ARHGEF26: variants seen among roughly 807,000 people sequenced by gnomAD.
ARHGEF26 encodes the protein Rho guanine nucleotide exchange factor (GEF) 26.
In ARHGEF26, 59 loss-of-function variants were observed where a neutral mutation model predicts 89.4. That is an observed-to-expected ratio of 0.66 (90% confidence interval 0.54 to 0.82). The LOEUF (loss-of-function observed/expected upper bound fraction) is 0.82. Ranked by LOEUF, ARHGEF26 falls within the 40% of genes least tolerant of loss-of-function variation. The pLI, the probability that ARHGEF26 is intolerant of heterozygous loss-of-function variation, is 0.00. For missense variants in ARHGEF26, 1,234 were observed against 1,085.6 expected, an observed-to-expected ratio of 1.14 and a Z score of -1.92; for synonymous variants, 500 against 428.4, an observed-to-expected ratio of 1.17 and a Z score of -2.06.
At chr3:154,172,520 C>A (rs2108142359) in intron 6 of ARHGEF26, among the ~76,000 whole-genome samples, 1 of 152,186 alleles carries the variant, frequency 6.6e-6, no homozygotes, top group South Asian at 2.1e-4. Context: ...TATGGCAAAC[C>A]CCATCTTTAC....
chr3:154,253,228 T>C, intron 13 of ARHGEF26, 45 bp downstream of exon 13: 1 of 1,608,364 alleles, frequency 6.2e-7, no homozygotes, highest in Non-Finnish European at 8.5e-7. Context: ...ATGGATGGGC[T>C]CTGCCCCCTG....
chr3:154,219,807 G>T (rs961856251), intron 10 of ARHGEF26, among the ~76,000 whole-genome samples: 51 of 152,022 alleles, frequency 3.4e-4, no homozygotes, highest in African/African-American at 1.2e-3. Context: ...CCAGCTACTC[G>T]GGAGGCTGAG....
At chr3:154,209,260 C>T (rs1715221451) in intron 9 of ARHGEF26, among the ~76,000 whole-genome samples, 1 of 152,120 alleles carries the variant, frequency 6.6e-6, no homozygotes. Context: ...GGATTGGTCC[C>T]TGGTTCCTTA....
intron 6 of ARHGEF26, among the ~76,000 whole-genome samples, chr3:154,177,905 T>C (rs1301360581): frequency 6.6e-6 from 1 of 152,144 alleles, no homozygotes; most frequent in East Asian, 1.9e-4. Flanking sequence ...GCTGCACTTA[T>C]TAAAAGGGCT....
At chr3:154,198,484 C>G (rs970811503) in intron 9 of ARHGEF26, among the ~76,000 whole-genome samples, 2 of 152,114 alleles carry the variant, frequency 1.3e-5, no homozygotes, top group African/African-American at 2.4e-5. Flanking sequence ...ATCCAAATGT[C>G]CATCAACCAA....
intron 9 of ARHGEF26, among the ~76,000 whole-genome samples, chr3:154,208,359 T>C (rs1411283257): frequency 6.6e-6 from 1 of 152,194 alleles, no homozygotes; most frequent in Non-Finnish European, 1.5e-5. Flanking sequence ...CTTGCTGCTT[T>C]CAGGATCCTT....
At chr3:154,192,601 AT>A (rs994915011) in intron 8 of ARHGEF26, among the ~76,000 whole-genome samples, 1 of 151,162 alleles carries the variant, frequency 6.6e-6, no homozygotes. Context: ...TCACTTTCTG[AT>A]TTTTTTTTGA....
intron 4 of ARHGEF26, among the ~76,000 whole-genome samples, chr3:154,138,803 A>ATG (rs1719180062): frequency 2.0e-5 from 3 of 152,344 alleles, no homozygotes; most frequent in Non-Finnish European, 4.4e-5. Context: ...CCTGCCCCAC[A>ATG]TGAAGTTCTG....
At chr3:154,159,516 A>G (rs1711542376) in intron 6 of ARHGEF26, among the ~76,000 whole-genome samples, 1 of 152,112 alleles carries the variant, frequency 6.6e-6, no homozygotes, top group African/African-American at 2.4e-5. Context: ...AACATACAAA[A>G]TAGTACTTAC....
intron 4 of ARHGEF26, among the ~76,000 whole-genome samples, chr3:154,138,716 G>C (rs139199678): frequency 6.6e-6 from 1 of 152,322 alleles, no homozygotes; most frequent in Non-Finnish European, 1.5e-5. Context: ...ACAGGGTCCA[G>C]ACAGAGAGGG....
intron 10 of ARHGEF26, among the ~76,000 whole-genome samples, chr3:154,221,039 C>T (rs181988064): frequency 6.6e-6 from 1 of 151,970 alleles, no homozygotes; most frequent in African/African-American, 2.4e-5. Flanking sequence ...GGGGGAGAGG[C>T]CTGGAACAGA....
chr3:154,168,982 T>C (rs1454644253), intron 6 of ARHGEF26, among the ~76,000 whole-genome samples: 2 of 150,474 alleles, frequency 1.3e-5, no homozygotes, highest in African/African-American at 5.0e-5. Flanking sequence ...ATGAAGACTG[T>C]AGTGAAAAAA....
chr3:154,221,285 T>C (rs1173566998), intron 10 of ARHGEF26, among the ~76,000 whole-genome samples: 2 of 152,214 alleles, frequency 1.3e-5, no homozygotes, highest in East Asian at 1.9e-4. Flanking sequence ...ATAAAGATAA[T>C]GAACTTCACC....
Position 154,149,401 on chromosome 3 carries a change from G to A in ARHGEF26, c.1282G>A (p.Gly428Arg). Residue 428 changes from glycine (G) to arginine (R), a missense_variant, in exon 5 of 15, where the codon GGA becomes AGA. By Grantham distance (125) the Gly-to-Arg change is moderately radical (BLOSUM62 -2). Coordinates refer to ENST00000465093, the MANE Select transcript of ARHGEF26 (RefSeq NM_015595.4). ...WSQLSAVKRK[G>R]LSQTVSQEER... ...CTTTTTCTCCTAGGTGAAAAGAAAG[G>A]GATTATCTCAGACAGTAAGCCAGGA... is the stretch of plus-strand genomic sequence containing the variant. 1.9e-6 allele frequency: 3 copies of A among 1,606,708 alleles called. No homozygotes were observed. The highest frequency in any genetic ancestry group is 1.7e-6 in the Non-Finnish European group (2 of 1,176,248).
intron 4 of ARHGEF26, 138 bp from the exon 5 acceptor site, chr3:154,149,247 AAATT>A (rs138333351): frequency 0.89 from 470,153 of 529,288 alleles, 209,409 homozygotes; most frequent in East Asian, 1. Context: ...ATTAATTAAT[AAATT>A]AATATTGATG....
At chr3:154,140,149 A>T (rs1004246490) in intron 4 of ARHGEF26, among the ~76,000 whole-genome samples, 1 of 152,214 alleles carries the variant, frequency 6.6e-6, no homozygotes, top group South Asian at 2.1e-4. Context: ...GATAGCTGTT[A>T]GCTCTGGGAT....
intron 11 of ARHGEF26, among the ~76,000 whole-genome samples, chr3:154,226,696 C>CACACACACACA (rs3223632): frequency 1.4e-5 from 2 of 145,590 alleles, no homozygotes; most frequent in South Asian, 2.2e-4. Flanking sequence ...CACACACACA[C>CACACACACACA]CCCTTCAGCT....
rs116929918 is a variant in ARHGEF26, at chr3:154,232,005, G to A, written c.2090+5995G>A. 3.2e-4 allele frequency among the ~76,000 whole-genome samples: 48 copies of A among 152,124 alleles called. 3 individuals are homozygous for A. In the East Asian group the frequency reaches 7.7e-3, roughly 25 times the overall value. ...TTTTTCCTTTTTATTGATGTCGTCA[G>A]TAGTGTGGTACTCCTGAATTGGAGT... is the stretch of plus-strand genomic sequence containing the variant. On this transcript the variant is annotated intron_variant, in intron 11 of 14. Transcript: ENST00000465093.
rs1264819587 is a variant in ARHGEF26, at chr3:154,184,774, T to G, written c.1488-2911T>G. On this transcript the variant is annotated intron_variant, in intron 6 of 14. Coordinates refer to ENST00000465093, the MANE Select transcript of ARHGEF26 (RefSeq NM_015595.4). ...CCATCCTTGCTCTGCTCCAGTTTTCTCGGATTGAGTGATTTATTGGCTTCC... is the reference window on the plus strand; with the variant it reads ...CCATCCTTGCTCTGCTCCAGTTTTCGCGGATTGAGTGATTTATTGGCTTCC... Among the ~76,000 whole-genome samples, 6 of 152,234 alleles carry G rather than the reference T, an allele frequency of 3.9e-5. No individual in the cohort carries two copies. The East Asian group carries it at 1.2e-3, about 29-fold the overall frequency.
Sources: allele counts gnomAD v4.1 joint callset (sites outside exome capture counted in the v4.1 genomes callset), GRCh38; gene constraint gnomAD v4.1.1; transcripts MANE v1.5; gene names NCBI Gene and HGNC (gene_info 2026-07-23, HGNC 2026-07-21).